MGMT: variants seen among roughly 807,000 people sequenced by gnomAD.
The protein encoded by MGMT is O-6-methylguanine-DNA methyltransferase.
A neutral mutation model predicts 15.9 loss-of-function variants in MGMT; 14 were observed. That is an observed-to-expected ratio of 0.88 (90% confidence interval 0.58 to 1.37). The LOEUF (loss-of-function observed/expected upper bound fraction) is 1.37. MGMT is among the 40% of genes most tolerant of loss of function. MGMT has a pLI of 0.00. For missense variants in MGMT, 282 were observed against 268.1 expected (o/e 1.05, Z -0.36); for synonymous variants, 130 against 118.2 (o/e 1.10, Z -0.65).
chr10:129,763,753 A>G (rs1848901807), intron 4 of MGMT, among the ~76,000 whole-genome samples: 1 of 152,200 alleles, frequency 6.6e-6, no homozygotes, highest in Admixed American at 6.5e-5. Context: ...TATTAATGGG[A>G]CTGTTGTATT....
chr10:129,575,428 A>G (rs1481814834), intron 2 of MGMT, among the ~76,000 whole-genome samples: 2 of 151,304 alleles, frequency 1.3e-5, no homozygotes, highest in African/African-American at 2.4e-5. Flanking sequence ...CTGCTCCTGA[A>G]TGACTACTGG....
intron 1 of MGMT, among the ~76,000 whole-genome samples, chr10:129,469,603 G>A (rs1845207887): frequency 6.6e-6 from 1 of 152,170 alleles, no homozygotes; most frequent in Admixed American, 6.5e-5. Flanking sequence ...GTGCTCATTC[G>A]GCTCTTGGGC....
chr10:129,739,861 A>T (rs1848610543), intron 3 of MGMT, among the ~76,000 whole-genome samples: 1 of 151,750 alleles, frequency 6.6e-6, no homozygotes, highest in South Asian at 2.1e-4. Context: ...TGGCTCAGGG[A>T]AGCCAAAAGA....
intron 2 of MGMT, among the ~76,000 whole-genome samples, chr10:129,629,618 G>A (rs183185487): frequency 6.6e-6 from 1 of 152,222 alleles, no homozygotes; most frequent in Admixed American, 6.5e-5. Context: ...TCATCTTTAG[G>A]ATCTTTAGGA....
chr10:129,592,108 G>A (rs775952904), intron 2 of MGMT, among the ~76,000 whole-genome samples: 2 of 152,186 alleles, frequency 1.3e-5, no homozygotes, highest in African/African-American at 4.8e-5. Flanking sequence ...AAGGGTTTGC[G>A]TGTGACTCAG....
At chr10:129,728,522 T>G (rs1243071370) in intron 3 of MGMT, among the ~76,000 whole-genome samples, 1 of 152,098 alleles carries the variant, frequency 6.6e-6, no homozygotes, top group Non-Finnish European at 1.5e-5. Flanking sequence ...AAATTCTGCT[T>G]GGTCTCCTGA....
At chr10:129,496,382 C>T (rs1047856517) in intron 1 of MGMT, among the ~76,000 whole-genome samples, 2 of 152,100 alleles carry the variant, frequency 1.3e-5, no homozygotes, top group African/African-American at 4.8e-5. Flanking sequence ...TAATGAATGG[C>T]TAGCAAGCAG....
intron 2 of MGMT, among the ~76,000 whole-genome samples, chr10:129,681,172 C>CA (rs1375011137): frequency 6.6e-6 from 1 of 152,214 alleles, no homozygotes; most frequent in East Asian, 1.9e-4. Context: ...GGCCGTAGCA[C>CA]CGGGTGCGCT....
chr10:129,547,557 A>G (rs1463952525), intron 2 of MGMT, among the ~76,000 whole-genome samples: 1 of 150,408 alleles, frequency 6.6e-6, no homozygotes, highest in Admixed American at 6.6e-5. Flanking sequence ...ATACAAGCTC[A>G]TAGTGTGTGC....
intron 2 of MGMT, among the ~76,000 whole-genome samples, chr10:129,554,218 G>T (rs965411994): frequency 6.6e-6 from 1 of 152,224 alleles, no homozygotes; most frequent in Non-Finnish European, 1.5e-5. Flanking sequence ...GGTGATGACG[G>T]GTCATACGCC....
intron 1 of MGMT, among the ~76,000 whole-genome samples, chr10:129,500,228 T>C (rs1251261210): frequency 2.0e-5 from 3 of 152,198 alleles, no homozygotes; most frequent in Admixed American, 6.5e-5. Flanking sequence ...GGCGCTGATT[T>C]GGGCACCGCC....
At chr10:129,577,655 G>A (rs1433566509) in intron 2 of MGMT, among the ~76,000 whole-genome samples, 1 of 152,184 alleles carries the variant, frequency 6.6e-6, no homozygotes, top group Admixed American at 6.5e-5. Flanking sequence ...AACACCAAAA[G>A]CAATGGCAAC....
chr10:129,520,352 A>C (rs921571936), intron 1 of MGMT, among the ~76,000 whole-genome samples: 4 of 152,136 alleles, frequency 2.6e-5, no homozygotes, highest in Non-Finnish European at 5.9e-5. Context: ...AGGTTGCCGA[A>C]ACTGGAGTGT....
At chr10:129,684,362 G>A (rs1847883493) in intron 2 of MGMT, among the ~76,000 whole-genome samples, 1 of 152,214 alleles carries the variant, frequency 6.6e-6, no homozygotes, top group African/African-American at 2.4e-5. Flanking sequence ...TGGGGATAGA[G>A]GGAGATGCAG....
intron 2 of MGMT, among the ~76,000 whole-genome samples, chr10:129,680,223 G>A (rs1214089286): frequency 1.3e-5 from 2 of 152,146 alleles, no homozygotes. Context: ...CATTAAGGTT[G>A]GTGAATTGTA....
At position 129,693,907 on chromosome 10, in the gene MGMT, G is replaced by GA. The variant is rs10716014; in HGVS notation, c.126-13975dup. The GA allele has an allele frequency of 4.3e-4, 64 of 147,930 alleles. 1 individual carries two copies. The highest frequency in any genetic ancestry group is 1.4e-3 in the East Asian group (7 of 4,982). 9.2% of individuals were successfully genotyped at this position (147,930 alleles called of 1,614,324 possible). A position where few individuals can be genotyped will look rare whatever the true frequency, so the allele number is the denominator to read the frequency against. On this transcript the variant is annotated intron_variant, in intron 2 of 4. Transcript: ENST00000651593. ...GACAGAGTGAGATTCCATCTAAAAA[G>GA]AAAAAAAAAAAAAGTGAGACTTTGA...
chr10:129,664,368 T>C (rs1469219760), intron 2 of MGMT, among the ~76,000 whole-genome samples: 4 of 152,204 alleles, frequency 2.6e-5, no homozygotes, highest in Non-Finnish European at 4.4e-5. Flanking sequence ...AATGACTAAG[T>C]GTGTTGATGT....
At chr10:129,580,325 A>G (rs896249130) in intron 2 of MGMT, among the ~76,000 whole-genome samples, 2 of 152,152 alleles carry the variant, frequency 1.3e-5, no homozygotes, top group Non-Finnish European at 2.9e-5. Flanking sequence ...GTTTAATCTG[A>G]TTTAATCTTC....
intron 2 of MGMT, among the ~76,000 whole-genome samples, chr10:129,704,705 AC>A (rs1212027699): frequency 6.7e-6 from 1 of 150,352 alleles, no homozygotes; most frequent in Non-Finnish European, 1.5e-5. Flanking sequence ...GTGCTTGGAA[AC>A]CTCTGACCAC....
Sources: allele counts gnomAD v4.1 joint callset (sites outside exome capture counted in the v4.1 genomes callset), GRCh38; gene constraint gnomAD v4.1.1; transcripts MANE v1.5; gene names NCBI Gene and HGNC (gene_info 2026-07-23, HGNC 2026-07-21).